The following TNKS variants were observed in gnomAD, a reference collection of about 807,000 sequenced individuals.
The protein encoded by TNKS is tankyrase.
TNKS carries 72 observed loss-of-function variants against 135.8 expected under a neutral mutation model. The ratio of observed to expected loss-of-function variants is 0.53; its 90% CI spans 0.44 to 0.64. The LOEUF is 0.64. TNKS is among the 30% of genes least tolerant of loss of function. The pLI, the probability that TNKS is intolerant of heterozygous loss-of-function variation, is 0.00. For synonymous variants in TNKS, 849 were observed against 649.3 expected (o/e 1.31, Z -4.68); for missense variants, 1,769 against 1,674.0 (o/e 1.06, Z -0.99).
intron 5 of TNKS, among the ~76,000 whole-genome samples, chr8:9,697,474 C>T (rs1803571474): frequency 2.0e-5 from 3 of 152,170 alleles, no homozygotes; most frequent in African/African-American, 7.2e-5. Context: ...AGAGCTTCTG[C>T]ACAGCAAAAG....
intron 3 of TNKS, chr8:9,671,224 A>G (rs371930650): frequency 1.3e-5 from 2 of 152,350 alleles, no homozygotes; most frequent in East Asian, 3.9e-4. Flanking sequence ...TACTTATGAT[A>G]TAACCCAGCA....
intron 20 of TNKS, among the ~76,000 whole-genome samples, chr8:9,756,183 G>T (rs1806825364): frequency 6.6e-6 from 1 of 152,084 alleles, no homozygotes; most frequent in African/African-American, 2.4e-5. Context: ...GATAAATTTT[G>T]ATTTCAAATT....
chr8:9,642,129 T>G (rs186456495), intron 3 of TNKS, among the ~76,000 whole-genome samples: 1 of 145,992 alleles, frequency 6.8e-6, no homozygotes, highest in East Asian at 2.1e-4. Flanking sequence ...GGTGAAATTT[T>G]GTACCAACTG....
chr8:9,770,262 G>A lies in TNKS; in HGVS notation c.3897G>A (p.Gln1299=), dbSNP rs1360300881. The A allele has an allele frequency of 6.2e-7, 1 of 1,605,866 alleles. No homozygotes were observed. Among genetic ancestry groups the A allele is most frequent in the Admixed American group, 1.7e-5 (1 of 59,524 alleles). The change falls in exon 26 of 27, where the codon CAG becomes CAA. Residue 1299 remains glutamine, a splice_region_variant and synonymous_variant. Coordinates refer to ENST00000310430, the MANE Select transcript of TNKS (RefSeq NM_003747.3). ...YAEYVIYRGE[Q]AYPEYLITYQ... ...AATATGTCATCTACAGAGGAGAACA[G>A]GTATGTTACTCATCAAACAAGCATA... is the stretch of plus-strand genomic sequence containing the variant.
chr8:9,583,429 C>G lies in TNKS; in HGVS notation c.898+3046C>G, dbSNP rs184449474. ...AGAACTTATTTATCTTTGCTTCTCC[C>G]TACCCCTCAAATATAGTCTCCAAAA... On this transcript the variant is annotated intron_variant, in intron 2 of 26. Transcript: ENST00000310430. 4.6e-5 allele frequency among the ~76,000 whole-genome samples: 7 copies of G among 152,182 alleles called. No individual in the cohort carries two copies. The East Asian group carries it at 1.4e-3, about 29-fold the overall frequency.
intron 3 of TNKS, among the ~76,000 whole-genome samples, chr8:9,628,309 C>T (rs539524414): frequency 9.8e-5 from 15 of 152,302 alleles, no homozygotes; most frequent in African/African-American, 3.4e-4. Context: ...TCACCTGGTA[C>T]TGTTTTCATC....
intron 17 of TNKS, among the ~76,000 whole-genome samples, chr8:9,747,742 A>C (rs966240748): frequency 1.3e-5 from 2 of 152,224 alleles, no homozygotes; most frequent in Admixed American, 6.5e-5. Context: ...TTTTAAAATA[A>C]AGTTGAATAT....
At chr8:9,627,905 C>T (rs1255506469) in intron 3 of TNKS, among the ~76,000 whole-genome samples, 1 of 152,022 alleles carries the variant, frequency 6.6e-6, no homozygotes, top group Non-Finnish European at 1.5e-5. Flanking sequence ...AAATAGATGC[C>T]ATCAAAAAGA....
At chr8:9,728,047 A>G (rs1321695070) in intron 13 of TNKS, among the ~76,000 whole-genome samples, 1 of 152,198 alleles carries the variant, frequency 6.6e-6, no homozygotes, top group Non-Finnish European at 1.5e-5. Context: ...ATATGTGCTT[A>G]TTATAATTAA....
chr8:9,702,185 A>G (rs1010095181), intron 5 of TNKS, among the ~76,000 whole-genome samples: 18 of 152,178 alleles, frequency 1.2e-4, no homozygotes, highest in Non-Finnish European at 2.6e-4. Context: ...AGTGAGAGTA[A>G]TAGGAGAGGG....
intron 3 of TNKS, among the ~76,000 whole-genome samples, chr8:9,676,425 G>C (rs1328001425): frequency 6.6e-6 from 1 of 152,094 alleles, no homozygotes; most frequent in Non-Finnish European, 1.5e-5. Context: ...ACAAAACTAA[G>C]TCTACCTTCA....
At chr8:9,704,814 C>A in intron 6 of TNKS, 57 bp downstream of exon 6, 1 of 1,366,908 alleles carries the variant, frequency 7.3e-7, no homozygotes, top group Non-Finnish European at 1.0e-6. Context: ...ATACTCTAAA[C>A]TTTTAAAACA....
chr8:9,776,579 T>C (rs1363404637), intron 26 of TNKS, 71 bp from the exon 27 acceptor site: 3 of 1,435,506 alleles, frequency 2.1e-6, no homozygotes, highest in South Asian at 1.2e-5. Context: ...CTTTGAGGCT[T>C]CCACATTCGG....
chr8:9,660,405 C>T (rs1195234292), intron 3 of TNKS, among the ~76,000 whole-genome samples: 4 of 152,200 alleles, frequency 2.6e-5, no homozygotes, highest in Non-Finnish European at 5.9e-5. Flanking sequence ...AAGTGGGCTT[C>T]ATCCCTGGGA....
intron 21 of TNKS, among the ~76,000 whole-genome samples, chr8:9,762,572 T>C (rs1023656514): frequency 4.6e-5 from 7 of 152,156 alleles, no homozygotes; most frequent in Non-Finnish European, 7.4e-5. Context: ...CAAATATTTG[T>C]TGAACTCTGC....
chr8:9,711,766 T>C (rs896900679), intron 11 of TNKS, among the ~76,000 whole-genome samples: 2 of 152,218 alleles, frequency 1.3e-5, no homozygotes, highest in Admixed American at 6.5e-5. Flanking sequence ...AAAGAAACTT[T>C]AAAAAATGAA....
intron 1 of TNKS, among the ~76,000 whole-genome samples, chr8:9,578,861 A>C (rs1798056251): frequency 6.6e-6 from 1 of 152,216 alleles, no homozygotes; most frequent in Non-Finnish European, 1.5e-5. Flanking sequence ...TGTGAATATA[A>C]AAATGCGAAT....
rs1554467464 is a variant in TNKS, at chr8:9,676,686, C to CTCTCTGTGTGTG, written c.995-3264_995-3263insCTCTGTGTGTGT. ...CTCGTATTTCTCCCTCTCTCTCTCT[C>CTCTCTGTGTGTG]TGTGTGTGTGTGTGTGTGTGTGTGT... On this transcript the variant is annotated intron_variant, in intron 3 of 26. Transcript: ENST00000310430. Among the ~76,000 whole-genome samples, 625 of 147,878 alleles carry CTCTCTGTGTGTG rather than the reference C, an allele frequency of 4.2e-3. 7 individuals are homozygous for CTCTCTGTGTGTG. Among genetic ancestry groups the CTCTCTGTGTGTG allele is most frequent in the African/African-American group, 0.015 (585 of 39,924 alleles).
intron 16 of TNKS, 73 bp downstream of exon 16, chr8:9,735,157 A>C: frequency 6.9e-7 from 1 of 1,452,942 alleles, no homozygotes; most frequent in Non-Finnish European, 9.3e-7. Context: ...AAAAGACGAA[A>C]GCCATGCTGA....
Sources: gnomAD v4.1 joint callset for allele counts (sites outside exome capture counted in the v4.1 genomes callset) on GRCh38, gnomAD v4.1.1 for gene constraint, MANE v1.5 for transcripts, NCBI Gene and HGNC (gene_info 2026-07-23, HGNC 2026-07-21) for gene names.